Variants in N4BP2 observed in about 807,000 individuals in gnomAD.
The protein encoded by N4BP2 is NEDD4 binding protein 2.
In N4BP2, 91 loss-of-function variants were observed where a neutral mutation model predicts 152.8. That is an observed-to-expected ratio of 0.60 (90% confidence interval 0.50 to 0.71). N4BP2 has a LOEUF of 0.71. Among genes scored for constraint, N4BP2 ranks in the 30% least tolerant of loss-of-function variants. The probability of loss-of-function intolerance (pLI) is 0.00; values close to 1 mark genes in which losing one functional copy is unlikely to be tolerated. For synonymous variants in N4BP2, 646 were observed against 705.3 expected (o/e 0.92, Z 1.33); for missense variants, 1,923 against 2,059.1 (o/e 0.93, Z 1.28).
rs1017453566 is a variant in N4BP2, at chr4:40,157,034, G to A, written c.*2797G>A. The A allele has an allele frequency of 3.9e-5, 6 of 152,032 alleles. No individual in the cohort carries two copies. The highest frequency in any genetic ancestry group is 1.4e-4 in the African/African-American group (6 of 41,416). The allele number at this position is 152,032 out of a possible 1,614,324, so 9.4% of individuals were successfully genotyped here. ...GTACAGCACTTCTGTAGTATGGAAG[G>A]TTTCAGTAATAATTATATTCATTCA... On this transcript the variant is annotated 3_prime_UTR_variant, in exon 18 of 18. Coordinates refer to ENST00000261435, the MANE Select transcript of N4BP2 (RefSeq NM_018177.6).
chr4:40,085,480 G>A (rs994250873), intron 2 of N4BP2, among the ~76,000 whole-genome samples: 2 of 152,096 alleles, frequency 1.3e-5, no homozygotes, highest in Admixed American at 1.3e-4. Flanking sequence ...CTTAAGAGAT[G>A]GGGTCTCACT....
chr4:40,160,145 C>T (rs78304076), downstream of N4BP2, among the ~76,000 whole-genome samples: 8,013 of 152,176 alleles, frequency 0.053, 628 homozygotes, highest in East Asian at 0.4. Context: ...GGGAGGATTG[C>T]TGTATATGAT....
intron 1 of N4BP2, among the ~76,000 whole-genome samples, chr4:40,072,369 C>CT (rs1046691296): frequency 2.0e-5 from 3 of 151,588 alleles, no homozygotes; most frequent in Admixed American, 2.0e-4. Context: ...CCTCAGCCTC[C>CT]TGAGTAGCTG....
At chr4:40,146,554 G>T (rs1720536340) in intron 16 of N4BP2, among the ~76,000 whole-genome samples, 1 of 152,078 alleles carries the variant, frequency 6.6e-6, no homozygotes, top group Non-Finnish European at 1.5e-5. Flanking sequence ...AAATAAGATT[G>T]TTTATATTGA....
At chr4:40,064,851 C>T (rs1309595999) in intron 1 of N4BP2, among the ~76,000 whole-genome samples, 1 of 151,294 alleles carries the variant, frequency 6.6e-6, no homozygotes. Context: ...CTCACTGCAA[C>T]CTCCGCCTCC....
chr4:40,138,712 T>C (rs980255683), intron 14 of N4BP2, among the ~76,000 whole-genome samples: 2 of 152,228 alleles, frequency 1.3e-5, no homozygotes, highest in Non-Finnish European at 2.9e-5. Context: ...GAATTGACCA[T>C]AGTTACAAGG....
intron 4 of N4BP2, among the ~76,000 whole-genome samples, chr4:40,104,732 G>C (rs1353135046): frequency 1.3e-5 from 2 of 151,938 alleles, no homozygotes; most frequent in African/African-American, 4.8e-5. Flanking sequence ...CTTTTCACAA[G>C]GTAGAAACTT....
the N4BP2 span, among the ~76,000 whole-genome samples, chr4:40,169,300 T>A: frequency 6.6e-6 from 1 of 150,914 alleles, no homozygotes; most frequent in Non-Finnish European, 1.5e-5. Context: ...GAGAATTGCT[T>A]GAACCCAGCG....
At chr4:40,112,226 G>A in intron 6 of N4BP2, 54 bp downstream of exon 6, 1 of 985,892 alleles carries the variant, frequency 1.0e-6, no homozygotes, top group South Asian at 1.5e-5. Flanking sequence ...AATTATTGGG[G>A]AACATTAATT....
intron 1 of N4BP2, among the ~76,000 whole-genome samples, chr4:40,066,980 T>G (rs1711581430): frequency 6.6e-6 from 1 of 152,040 alleles, no homozygotes; most frequent in African/African-American, 2.4e-5. Context: ...TTGCTGTTTT[T>G]GGGGTGACTG....
In N4BP2 at chr4:40,102,171, T is replaced by C; in HGVS notation, c.326T>C (p.Val109Ala). 6.2e-7 allele frequency: 1 copy of C among 1,613,618 alleles called. No individual in the cohort carries two copies. The stretch of plus-strand genomic sequence containing the variant: ...AGTTTCGTTGCTTCTGAGAACCAAG[T>C]AGGTGCAGCAGAAAGTAAAATAATG... ...SQSFVASENQ[V>A]GAAESKIMEK... The change falls in exon 4 of 18, where the codon GTA (valine) becomes GCA (alanine). Residue 109 changes from valine to alanine, a missense_variant. Coordinates refer to ENST00000261435, the MANE Select transcript of N4BP2 (RefSeq NM_018177.6).
At chr4:40,135,589 G>A (rs1362794485) in intron 13 of N4BP2, among the ~76,000 whole-genome samples, 1 of 152,132 alleles carries the variant, frequency 6.6e-6, no homozygotes, top group African/African-American at 2.4e-5. Context: ...CTTTCACAGA[G>A]TTTGCTCTTG....
downstream of N4BP2, among the ~76,000 whole-genome samples, chr4:40,161,613 A>G (rs1037897129): frequency 1.3e-5 from 2 of 152,212 alleles, no homozygotes; most frequent in African/African-American, 4.8e-5. Flanking sequence ...ATTTTTAAAA[A>G]AGAGATACAT....
chr4:40,139,491 C>CTTTTTTTTTTTT (rs1226118008), intron 14 of N4BP2, among the ~76,000 whole-genome samples: 1 of 125,794 alleles, frequency 7.9e-6, no homozygotes, highest in African/African-American at 3.0e-5. Flanking sequence ...CAGCATTAGG[C>CTTTTTTTTTTTT]TTTTTTTTTT....
At chr4:40,125,575 T>C (rs1279416433) in intron 11 of N4BP2, among the ~76,000 whole-genome samples, 2 of 152,128 alleles carry the variant, frequency 1.3e-5, no homozygotes, top group South Asian at 2.1e-4. Flanking sequence ...GTGGGAAGCA[T>C]TGAGTCAGTT....
chr4:40,075,017 A>G (rs1267742345), intron 2 of N4BP2, among the ~76,000 whole-genome samples: 2 of 152,018 alleles, frequency 1.3e-5, no homozygotes, highest in Admixed American at 1.3e-4. Context: ...GAAAAAAAAA[A>G]AAGTAAATAA....
downstream of N4BP2, among the ~76,000 whole-genome samples, chr4:40,160,939 C>T (rs562740007): frequency 1.3e-5 from 2 of 152,160 alleles, no homozygotes; most frequent in Non-Finnish European, 2.9e-5. Context: ...TAACACCCCA[C>T]AGAGCTTTAT....
intron 2 of N4BP2, among the ~76,000 whole-genome samples, chr4:40,082,825 C>T (rs1032367556): frequency 4.6e-5 from 7 of 151,930 alleles, no homozygotes; most frequent in African/African-American, 7.3e-5. Flanking sequence ...CTCAGCCTCC[C>T]GAGTAGCTGG....
chr4:40,056,893 C>T lies in N4BP2; in HGVS notation c.-349C>T, dbSNP rs964905391. The T allele has an allele frequency of 6.6e-6, 1 of 152,058 alleles. No homozygotes were observed. The highest frequency in any genetic ancestry group is 2.4e-5 in the African/African-American group (1 of 41,426). The allele number at this position is 152,058 out of a possible 1,614,324, so 9.4% of individuals were successfully genotyped here. A position where few individuals can be genotyped will look rare whatever the true frequency, so the allele number is the denominator to read the frequency against. ...GCGCTCGCCGTGTCTCCCCCGCGGC[C>T]GCAGCTGCTTGCTAGCCTTGCGCGG... On this transcript the variant is annotated 5_prime_UTR_variant, in exon 1 of 18. Transcript: ENST00000261435.
Sources: allele counts gnomAD v4.1 joint callset (sites outside exome capture counted in the v4.1 genomes callset), GRCh38; gene constraint gnomAD v4.1.1; transcripts MANE v1.5; gene names NCBI Gene and HGNC (gene_info 2026-07-23, HGNC 2026-07-21).